Variants in ZMYND11 observed in about 807,000 individuals in gnomAD.
ZMYND11 encodes the protein zinc finger MYND domain-containing protein 11.
A neutral mutation model predicts 84.9 loss-of-function variants in ZMYND11; 9 were observed. The observed-to-expected ratio is 0.11, with a 90% CI of 0.06 to 0.18. The LOEUF (loss-of-function observed/expected upper bound fraction) is 0.18. Ranked by LOEUF, ZMYND11 falls within the 10% of genes least tolerant of loss-of-function variation. The probability of loss-of-function intolerance (pLI) is 1.00; values close to 1 mark genes in which losing one functional copy is unlikely to be tolerated. For missense variants in ZMYND11, 409 were observed against 761.0 expected, an observed-to-expected ratio of 0.54 and a Z score of 5.44; for synonymous variants, 250 against 244.1, an observed-to-expected ratio of 1.02 and a Z score of -0.23.
At chr10:186,816 C>T (rs1938678078) in intron 2 of ZMYND11, among the ~76,000 whole-genome samples, 1 of 152,066 alleles carries the variant, frequency 6.6e-6, no homozygotes, top group African/African-American at 2.4e-5. Context: ...AATGTTTGTT[C>T]CATCTAATTG....
At chr10:138,412 C>T (rs949282988) in intron 1 of ZMYND11, among the ~76,000 whole-genome samples, 3 of 152,046 alleles carry the variant, frequency 2.0e-5, no homozygotes, top group Non-Finnish European at 2.9e-5. Flanking sequence ...CCACCGCACC[C>T]GGCCCTGTTG....
chr10:221,899 T>A (rs1238233093), intron 4 of ZMYND11, among the ~76,000 whole-genome samples: 8 of 152,132 alleles, frequency 5.3e-5, no homozygotes, highest in Non-Finnish European at 1.2e-4. Flanking sequence ...TAAAGTAAAA[T>A]GAAATTGCCC....
At chr10:235,987 T>C (rs1207551349) in intron 4 of ZMYND11, among the ~76,000 whole-genome samples, 1 of 152,270 alleles carries the variant, frequency 6.6e-6, no homozygotes, top group Non-Finnish European at 1.5e-5. Flanking sequence ...TGACTTCCTA[T>C]GCTTACAGTT....
intron 4 of ZMYND11, among the ~76,000 whole-genome samples, chr10:232,084 C>T (rs1189150239): frequency 1.3e-5 from 2 of 152,214 alleles, no homozygotes; most frequent in African/African-American, 2.4e-5. Flanking sequence ...CAGAAATAAT[C>T]TGTACATATT....
intron 2 of ZMYND11, among the ~76,000 whole-genome samples, chr10:182,874 C>T (rs1205846202): frequency 1.3e-5 from 2 of 152,178 alleles, no homozygotes; most frequent in East Asian, 1.9e-4. Flanking sequence ...TAGGTAAATA[C>T]TTTTCAAGCC....
At chr10:241,720 G>GTGCTGGAGC (rs1350593148) in intron 9 of ZMYND11, among the ~76,000 whole-genome samples, 3 of 150,136 alleles carry the variant, frequency 2.0e-5, no homozygotes, top group African/African-American at 7.5e-5. Flanking sequence ...ATTCCCAGGG[G>GTGCTGGAGC]TGCTGGAGCT....
rs1554751913 is a variant in ZMYND11, at chr10:135,911, C to T, written c.-20+352C>T. 1.3e-5 allele frequency among the ~76,000 whole-genome samples: 2 copies of T among 151,556 alleles called. No individual in the cohort carries two copies. The highest frequency in any genetic ancestry group is 4.8e-5 in the African/African-American group (2 of 41,338). On this transcript the variant is annotated intron_variant, in intron 1 of 14. Transcript: ENST00000381604. The surrounding 1 kb of genome is among the most constrained non-coding windows in gnomAD (Gnocchi z 5.6). ...GCCGCGGAGTCGCGTGAGCACCGCC[C>T]GCCGGGCCCTGTGCCCCGCTTTCGG...
rs1364427660 is a variant in ZMYND11 at position 251,010 on chromosome 10, G to A, written c.1687-1338G>A. On this transcript the variant is annotated intron_variant, in intron 14 of 14. Transcript: ENST00000381604. ...TGCACTCCAGCCTGGGCGACAGAGC[G>A]AGACTCACTCTCAAAGAATCAAGAA... is the stretch of plus-strand genomic sequence containing the variant. Among the ~76,000 whole-genome samples the A allele has an allele frequency of 2.0e-5, 3 of 152,308 alleles. 1 individual carries two copies. Among genetic ancestry groups the A allele is most frequent in the Admixed American group, 2.0e-4 (3 of 15,298 alleles).
chr10:217,532 T>A (rs889565708), intron 3 of ZMYND11, among the ~76,000 whole-genome samples: 1 of 149,986 alleles, frequency 6.7e-6, no homozygotes, highest in African/African-American at 2.4e-5. Flanking sequence ...AAAAAAAAAA[T>A]TGTTGTGAAA....
At chr10:136,795 C>T (rs1416228624) in intron 1 of ZMYND11, among the ~76,000 whole-genome samples, 2 of 151,970 alleles carry the variant, frequency 1.3e-5, no homozygotes, top group African/African-American at 4.8e-5. Flanking sequence ...TACATAGTAT[C>T]CTTTCACACT....
intron 1 of ZMYND11, among the ~76,000 whole-genome samples, chr10:140,509 T>C (rs990946109): frequency 6.6e-6 from 1 of 152,246 alleles, no homozygotes; most frequent in Non-Finnish European, 1.5e-5. Flanking sequence ...GTGTTTGTGT[T>C]ATCCATTATT....
At chr10:212,219 A>G (rs1945367513) in intron 3 of ZMYND11, among the ~76,000 whole-genome samples, 1 of 152,116 alleles carries the variant, frequency 6.6e-6, no homozygotes, top group Non-Finnish European at 1.5e-5. Flanking sequence ...GTTAATGAGC[A>G]CATTATATTT....
chr10:242,181 T>TGAAGTCCTTAA, intron 10 of ZMYND11, 42 bp downstream of exon 10: 1 of 1,605,588 alleles, frequency 6.2e-7, no homozygotes, highest in Non-Finnish European at 8.5e-7. Flanking sequence ...GCTGTGCTTA[T>TGAAGTCCTTAA]GAAGTCCTTA....
At chr10:230,093 G>A (rs1388532487) in intron 4 of ZMYND11, among the ~76,000 whole-genome samples, 4 of 152,076 alleles carry the variant, frequency 2.6e-5, no homozygotes, top group Non-Finnish European at 2.9e-5. Flanking sequence ...TCCCTAAAAC[G>A]ATATAAGTAA....
chr10:185,450 C>T (rs970549783), intron 2 of ZMYND11, among the ~76,000 whole-genome samples: 4 of 144,712 alleles, frequency 2.8e-5, no homozygotes, highest in Non-Finnish European at 6.0e-5. Context: ...ACTATGTTAC[C>T]GTCATAATCA....
chr10:207,165 T>A (rs369263227), intron 2 of ZMYND11, among the ~76,000 whole-genome samples: 1 of 152,170 alleles, frequency 6.6e-6, no homozygotes, highest in East Asian at 1.9e-4. Context: ...AAAGGACATG[T>A]ACTCATCATT....
intron 1 of ZMYND11, among the ~76,000 whole-genome samples, chr10:171,490 G>A (rs555607730): frequency 4.6e-5 from 7 of 152,098 alleles, no homozygotes; most frequent in Admixed American, 1.3e-4. Flanking sequence ...AATGAAGTTT[G>A]AAATTAATAA....
At chr10:212,791 CTAA>C (rs1322065669) in intron 3 of ZMYND11, among the ~76,000 whole-genome samples, 4 of 152,054 alleles carry the variant, frequency 2.6e-5, no homozygotes, top group Non-Finnish European at 5.9e-5. Flanking sequence ...TAGTTTCTTA[CTAA>C]TTATACAAGC....
intron 2 of ZMYND11, among the ~76,000 whole-genome samples, chr10:204,846 A>G (rs1341289129): frequency 6.6e-6 from 1 of 151,758 alleles, no homozygotes; most frequent in Non-Finnish European, 1.5e-5. Flanking sequence ...GAATTAGTAT[A>G]TTATTTTGAC....
Sources: gnomAD v4.1 joint callset for allele counts (sites outside exome capture counted in the v4.1 genomes callset) on GRCh38, gnomAD v4.1.1 for gene constraint, Gnocchi (gnomAD v3.1) non-coding constraint, MANE v1.5 for transcripts, NCBI Gene and HGNC (gene_info 2026-07-23, HGNC 2026-07-21) for gene names.